Variants in ELOVL6 observed in about 807,000 individuals in gnomAD.
ELOVL6 encodes the protein very long chain fatty acid elongase 6.
A neutral mutation model predicts 31.7 loss-of-function variants in ELOVL6; 8 were observed. That is an observed-to-expected ratio of 0.25 (90% confidence interval 0.15 to 0.45). ELOVL6 has a LOEUF of 0.45. ELOVL6 is among the 20% of genes least tolerant of loss of function. The probability of loss-of-function intolerance (pLI) is 1.00; values close to 1 mark genes in which losing one functional copy is unlikely to be tolerated. For synonymous variants in ELOVL6, 101 were observed against 117.7 expected, an observed-to-expected ratio of 0.86 and a Z score of 0.92; for missense variants, 126 against 326.4, an observed-to-expected ratio of 0.39 and a Z score of 4.73.
At chr4:110,056,451 G>A (rs942475563) in intron 3 of ELOVL6, among the ~76,000 whole-genome samples, 1 of 151,990 alleles carries the variant, frequency 6.6e-6, no homozygotes. Flanking sequence ...TTTTGGACCT[G>A]TTTTGAGTCA....
At chr4:110,148,498 A>C (rs1397686576) in intron 1 of ELOVL6, among the ~76,000 whole-genome samples, 1 of 111,956 alleles carries the variant, frequency 8.9e-6, no homozygotes, top group African/African-American at 3.4e-5. Context: ...TGTGCGGGGG[A>C]GGGGGGGAGG....
chr4:110,100,706 A>G (rs1379087716), intron 2 of ELOVL6, among the ~76,000 whole-genome samples: 1 of 152,150 alleles, frequency 6.6e-6, no homozygotes, highest in Admixed American at 6.5e-5. Context: ...CCAAAAGAAA[A>G]ATTTACTTCT....
chr4:110,158,653 ATATATTTTTT>A (rs199850236), intron 1 of ELOVL6, among the ~76,000 whole-genome samples: 2,091 of 85,040 alleles, frequency 0.025, 29 homozygotes, highest in Non-Finnish European at 0.034. Flanking sequence ...ATATATATAT[ATATATTTTTT>A]TTTTTTTTTT....
chr4:110,141,993 T>C (rs1447149303), intron 1 of ELOVL6, among the ~76,000 whole-genome samples: 1 of 150,264 alleles, frequency 6.7e-6, no homozygotes, highest in Non-Finnish European at 1.5e-5. Flanking sequence ...AGCTCTGCTC[T>C]ACCAAATATC....
At chr4:110,122,570 G>A (rs901611070) in intron 1 of ELOVL6, among the ~76,000 whole-genome samples, 9 of 152,102 alleles carry the variant, frequency 5.9e-5, no homozygotes, top group African/African-American at 1.7e-4. Context: ...TAGAGATGAA[G>A]CTTCACCATG....
intron 1 of ELOVL6, among the ~76,000 whole-genome samples, chr4:110,173,998 A>C (rs575092734): frequency 6.6e-6 from 1 of 152,126 alleles, no homozygotes; most frequent in African/African-American, 2.4e-5. Flanking sequence ...AAGTTAAAAA[A>C]ATAAAAATAT....
At chr4:110,198,890 C>T (rs1424154285), upstream of ELOVL6, 1 of 152,444 alleles carries the variant, frequency 6.6e-6, no homozygotes, top group Non-Finnish European at 1.5e-5. Context: ...CAGGGCGCAT[C>T]CCCGCGGCGC....
chr4:110,131,701 T>C (rs995768122), intron 1 of ELOVL6, among the ~76,000 whole-genome samples: 1 of 152,148 alleles, frequency 6.6e-6, no homozygotes, highest in African/African-American at 2.4e-5. Flanking sequence ...AGTATGAATA[T>C]TAACAACAAC....
intron 1 of ELOVL6, among the ~76,000 whole-genome samples, chr4:110,122,841 C>T (rs555862593): frequency 5.1e-4 from 77 of 152,314 alleles, no homozygotes; most frequent in African/African-American, 1.7e-3. Context: ...GTTCTCAGTA[C>T]GTTGAATGCC....
chr4:110,087,570 G>A (rs1280526684), intron 2 of ELOVL6, among the ~76,000 whole-genome samples: 1 of 152,130 alleles, frequency 6.6e-6, no homozygotes, highest in Admixed American at 6.5e-5. Flanking sequence ...AAGACTTCCA[G>A]AAGGTTTCCA....
intron 1 of ELOVL6, among the ~76,000 whole-genome samples, chr4:110,141,920 T>C (rs186167043): frequency 1.4e-3 from 201 of 146,528 alleles, no homozygotes; most frequent in Non-Finnish European, 2.4e-3. Flanking sequence ...AATATATACA[T>C]ATATACTCAC....
intron 2 of ELOVL6, among the ~76,000 whole-genome samples, chr4:110,076,756 C>A (rs746567399): frequency 6.6e-5 from 10 of 152,140 alleles, no homozygotes; most frequent in Admixed American, 2.0e-4. Context: ...GTGGGTGCAG[C>A]GCACCGAGTG....
At position 110,105,662 on chromosome 4, in the gene ELOVL6, T is replaced by C. The variant is rs1173406318; in HGVS notation, c.90-34A>G. 4 of 1,597,340 alleles carry C rather than the reference T, an allele frequency of 2.5e-6. No homozygotes were observed. The African/African-American group carries it at 5.4e-5, about 22-fold the overall frequency. ...AAGCAAACAAAATCTTTAAGATATT[T>C]TTAGTCATTAGGAAACACCAAATTT... On this transcript the variant is annotated intron_variant, in intron 1 of 3. Coordinates refer to ENST00000302274, the MANE Select transcript of ELOVL6 (RefSeq NM_024090.3).
At chr4:110,057,775 C>T (rs960630754) in intron 3 of ELOVL6, among the ~76,000 whole-genome samples, 3 of 149,686 alleles carry the variant, frequency 2.0e-5, no homozygotes, top group Non-Finnish European at 3.0e-5. Context: ...TGTTTGAACC[C>T]GGGACACGGA....
chr4:110,117,915 T>A lies in ELOVL6; in HGVS notation c.90-12287A>T, dbSNP rs1334465866. On this transcript the variant is annotated intron_variant, in intron 1 of 3. Coordinates refer to ENST00000302274, the MANE Select transcript of ELOVL6 (RefSeq NM_024090.3). ...AAAAAAAAAAAAAAATATATATATA[T>A]ATATATATATCTCCCCAGAGAGGAG... 2.3e-4 allele frequency: 6 copies of A among 26,186 alleles called. 1 individual carries two copies. The highest frequency in any genetic ancestry group is 6.1e-4 in the Admixed American group (1 of 1,628). 1.6% of individuals were successfully genotyped at this position (26,186 alleles called of 1,614,324 possible).
intron 2 of ELOVL6, among the ~76,000 whole-genome samples, chr4:110,061,375 TTCTTA>T (rs1755132498): frequency 1.3e-5 from 2 of 152,238 alleles, no homozygotes; most frequent in South Asian, 4.1e-4. Flanking sequence ...GCTTTTTACT[TTCTTA>T]TCTTAAGGAA....
At chr4:110,182,010 A>G (rs1261541666) in intron 1 of ELOVL6, among the ~76,000 whole-genome samples, 1 of 152,212 alleles carries the variant, frequency 6.6e-6, no homozygotes, top group African/African-American at 2.4e-5. Context: ...GTACGTGTGC[A>G]GCATCTGTTT....
intron 2 of ELOVL6, among the ~76,000 whole-genome samples, chr4:110,097,352 T>C (rs1268236629): frequency 6.7e-6 from 1 of 149,590 alleles, no homozygotes; most frequent in Middle Eastern, 3.2e-3. Context: ...CCACTACCTT[T>C]CAGACTAGAC....
chr4:110,084,358 ACC>A (rs1756111537), intron 2 of ELOVL6, among the ~76,000 whole-genome samples: 1 of 103,230 alleles, frequency 9.7e-6, no homozygotes, highest in African/African-American at 3.4e-5. Context: ...TATGATATAT[ACC>A]GCATATATGA....
Sources: gnomAD v4.1 joint callset for allele counts (sites outside exome capture counted in the v4.1 genomes callset) on GRCh38, gnomAD v4.1.1 for gene constraint, MANE v1.5 for transcripts, NCBI Gene and HGNC (gene_info 2026-07-23, HGNC 2026-07-21) for gene names.